Variants in MAMDC2 observed in about 807,000 individuals in gnomAD.
MAMDC2 encodes MAM domain containing 2, also known as MAM domain-containing protein 2.
A neutral mutation model predicts 89.8 loss-of-function variants in MAMDC2; 57 were observed. That is an observed-to-expected ratio of 0.63 (90% CI 0.51 to 0.79). MAMDC2 has a LOEUF of 0.79. Ranked by LOEUF, MAMDC2 falls within the 30% of genes least tolerant of loss-of-function variation. The pLI, the probability that MAMDC2 is intolerant of heterozygous loss-of-function variation, is 0.00. For missense variants in MAMDC2, 800 were observed against 820.6 expected (o/e 0.97, Z 0.31); for synonymous variants, 313 against 293.4 (o/e 1.07, Z -0.68).
At chr9:70,097,703 G>A (rs1434857094) in intron 2 of MAMDC2, among the ~76,000 whole-genome samples, 1 of 152,134 alleles carries the variant, frequency 6.6e-6, no homozygotes, top group Non-Finnish European at 1.5e-5. Context: ...CACTTTAGAA[G>A]TGGGACCTGC....
At chr9:70,070,790 C>T (rs1470802458) in intron 2 of MAMDC2, among the ~76,000 whole-genome samples, 7 of 152,072 alleles carry the variant, frequency 4.6e-5, no homozygotes, top group African/African-American at 1.7e-4. Context: ...TTCTTATTTG[C>T]CTATTTTCCT....
intron 2 of MAMDC2, chr9:70,062,929 A>G (rs1030329657): frequency 6.6e-6 from 1 of 152,258 alleles, no homozygotes; most frequent in Non-Finnish European, 1.5e-5. Flanking sequence ...AACAGAGAGC[A>G]AAATAATAAC....
intron 6 of MAMDC2, among the ~76,000 whole-genome samples, chr9:70,130,173 G>T (rs1194241799): frequency 6.6e-6 from 1 of 152,006 alleles, no homozygotes; most frequent in Non-Finnish European, 1.5e-5. Flanking sequence ...CCCAAATAAG[G>T]TCACATACTG....
chr9:70,177,951 C>G (rs2032547487), intron 11 of MAMDC2, among the ~76,000 whole-genome samples: 1 of 152,172 alleles, frequency 6.6e-6, no homozygotes. Flanking sequence ...ATTGATCCAG[C>G]AGAAAACATC....
intron 2 of MAMDC2, chr9:70,062,899 A>G (rs1827180987): frequency 6.6e-6 from 1 of 152,246 alleles, no homozygotes; most frequent in East Asian, 1.9e-4. Context: ...GCATCTTCAG[A>G]TGCCAGGTGA....
intron 7 of MAMDC2, among the ~76,000 whole-genome samples, chr9:70,134,490 G>A (rs1404828786): frequency 6.6e-6 from 1 of 151,978 alleles, no homozygotes; most frequent in Non-Finnish European, 1.5e-5. Context: ...ATAAAGCCCA[G>A]CCTCAAACTG....
At chr9:70,150,405 T>C (rs2031545847) in intron 9 of MAMDC2, among the ~76,000 whole-genome samples, 1 of 152,194 alleles carries the variant, frequency 6.6e-6, no homozygotes, top group Non-Finnish European at 1.5e-5. Flanking sequence ...CTGAGCCTAT[T>C]GAGCTTAGCA....
At chr9:70,083,239 T>C (rs993859080) in intron 2 of MAMDC2, among the ~76,000 whole-genome samples, 13 of 152,202 alleles carry the variant, frequency 8.5e-5, no homozygotes, top group African/African-American at 2.9e-4. Flanking sequence ...CTTCTCTCTT[T>C]ATATTGTACC....
intron 9 of MAMDC2, among the ~76,000 whole-genome samples, chr9:70,150,655 G>A (rs1311599246): frequency 6.6e-6 from 1 of 152,178 alleles, no homozygotes; most frequent in East Asian, 1.9e-4. Context: ...GATTCTTCCT[G>A]TTTCCTTGCC....
intron 9 of MAMDC2, among the ~76,000 whole-genome samples, chr9:70,144,459 T>G (rs2031330974): frequency 6.6e-6 from 1 of 152,204 alleles, no homozygotes; most frequent in African/African-American, 2.4e-5. Flanking sequence ...TAGCAACTCA[T>G]AAACTTAAAG....
At chr9:70,117,624 T>A (rs928923053) in intron 5 of MAMDC2, among the ~76,000 whole-genome samples, 2 of 151,752 alleles carry the variant, frequency 1.3e-5, no homozygotes, top group Non-Finnish European at 2.9e-5. Flanking sequence ...AAATGATGCT[T>A]TAAAAAAAAA....
At chr9:70,128,775 G>A (rs2030673748) in intron 6 of MAMDC2, among the ~76,000 whole-genome samples, 1 of 152,060 alleles carries the variant, frequency 6.6e-6, no homozygotes, top group Non-Finnish European at 1.5e-5. Flanking sequence ...TCTCACCTCA[G>A]CCTCCCAAGT....
intron 2 of MAMDC2, among the ~76,000 whole-genome samples, chr9:70,100,473 G>A (rs1828158383): frequency 6.6e-6 from 1 of 152,196 alleles, no homozygotes; most frequent in African/African-American, 2.4e-5. Context: ...CTAGACTTCA[G>A]CCCTGGGAAG....
intron 11 of MAMDC2, among the ~76,000 whole-genome samples, chr9:70,181,255 C>T (rs941152455): frequency 6.6e-6 from 1 of 152,130 alleles, no homozygotes; most frequent in Non-Finnish European, 1.5e-5. Flanking sequence ...GTTACTGTAG[C>T]CTTGTAGTAT....
chr9:70,099,479 C>G (rs1828107896), intron 2 of MAMDC2, among the ~76,000 whole-genome samples: 1 of 152,106 alleles, frequency 6.6e-6, no homozygotes, highest in Non-Finnish European at 1.5e-5. Flanking sequence ...GAAATCTGTT[C>G]TTTGCAGAAA....
At chr9:70,189,035 T>C (rs1335102120) in intron 11 of MAMDC2, among the ~76,000 whole-genome samples, 3 of 152,310 alleles carry the variant, frequency 2.0e-5, no homozygotes, top group South Asian at 2.1e-4. Flanking sequence ...TATAAGCCCA[T>C]TGACACAGTT....
In MAMDC2 at chr9:70,179,308, C is replaced by T. The variant is rs183386746; in HGVS notation, c.1651+8677C>T. 3.8e-3 allele frequency among the ~76,000 whole-genome samples: 569 copies of T among 151,556 alleles called. 5 individuals carry two copies. The highest frequency in any genetic ancestry group is 0.013 in the African/African-American group (544 of 41,306). Reference sequence around the variant, plus strand: ...CAGGCGGATCACGAGGTCAGGAGATCGAGACTATCCTGGCTAACACGGTGA... The same window carrying T: ...CAGGCGGATCACGAGGTCAGGAGATTGAGACTATCCTGGCTAACACGGTGA... On this transcript the variant is annotated intron_variant, in intron 11 of 13. Transcript: ENST00000377182.
At chr9:70,120,400 C>G (rs114223398) in intron 5 of MAMDC2, among the ~76,000 whole-genome samples, 222 of 152,312 alleles carry the variant, frequency 1.5e-3, no homozygotes, top group African/African-American at 5.1e-3. Context: ...CTTCCTCTAC[C>G]TCTTCCATGA....
chr9:70,143,834 A>G lies in MAMDC2; in HGVS notation c.1404+15A>G, dbSNP rs1256878872. On this transcript the variant is annotated intron_variant, in intron 9 of 13. Transcript: ENST00000377182. ...TGCCTACCAAGGTACAGCAGAGCCA[A>G]TTTCTCCTGTGTCCATGTTCAGTTG... is the stretch of plus-strand genomic sequence containing the variant. The G allele has an allele frequency of 4.3e-6, 7 of 1,610,300 alleles. No homozygotes were observed. The highest frequency in any genetic ancestry group is 2.7e-5 in the African/African-American group (2 of 74,714).
Sources: gnomAD v4.1 joint callset for allele counts (sites outside exome capture counted in the v4.1 genomes callset) on GRCh38, gnomAD v4.1.1 for gene constraint, MANE v1.5 for transcripts, NCBI Gene and HGNC (gene_info 2026-07-23, HGNC 2026-07-21) for gene names.